Variants in TRAPPC3 observed in about 807,000 individuals in gnomAD.
TRAPPC3 encodes the protein trafficking protein particle complex 3.
A neutral mutation model predicts 18.2 loss-of-function variants in TRAPPC3; 5 were observed. That is an observed-to-expected ratio of 0.28 (90% CI 0.14 to 0.58). TRAPPC3 has a LOEUF of 0.58. Among genes scored for constraint, TRAPPC3 ranks in the 20% least tolerant of loss-of-function variants. The probability of loss-of-function intolerance (pLI) is 0.91; values close to 1 mark genes in which losing one functional copy is unlikely to be tolerated. For synonymous variants in TRAPPC3, 65 were observed against 84.2 expected, an observed-to-expected ratio of 0.77 and a Z score of 1.25; for missense variants, 176 against 225.9, an observed-to-expected ratio of 0.78 and a Z score of 1.41.
At chr1:36,147,026 C>G (rs1041364767) in intron 1 of TRAPPC3, among the ~76,000 whole-genome samples, 1 of 152,288 alleles carries the variant, frequency 6.6e-6, no homozygotes, top group Admixed American at 6.5e-5. Context: ...ACTTTCATTT[C>G]AATAAATCTG....
At chr1:36,144,546 CAGG>C in intron 1 of TRAPPC3, among the ~76,000 whole-genome samples, 1 of 152,180 alleles carries the variant, frequency 6.6e-6, no homozygotes, top group African/African-American at 2.4e-5. Context: ...CCCAGCTACT[CAGG>C]AGGCTAAGGT....
At chr1:36,155,025 C>T (rs984611804) in intron 1 of TRAPPC3, among the ~76,000 whole-genome samples, 7 of 152,152 alleles carry the variant, frequency 4.6e-5, no homozygotes, top group Non-Finnish European at 5.9e-5. Flanking sequence ...TCCAAATGGC[C>T]GCTTTCTGGA....
At chr1:36,144,220 G>A (rs1052582233) in intron 1 of TRAPPC3, among the ~76,000 whole-genome samples, 10 of 139,916 alleles carry the variant, frequency 7.1e-5, no homozygotes, top group South Asian at 2.3e-4. Flanking sequence ...CCCAGGAGGC[G>A]GAGGTTGCGG....
chr1:36,149,606 C>A (rs1360281717), upstream of TRAPPC3: 2 of 607,332 alleles, frequency 3.3e-6, no homozygotes, highest in Non-Finnish European at 2.9e-6. Flanking sequence ...TTTGGCAGCA[C>A]CGCCTCTTAA....
At chr1:36,150,746 CAG>C (rs1435784717), upstream of TRAPPC3, among the ~76,000 whole-genome samples, 6 of 152,328 alleles carry the variant, frequency 3.9e-5, no homozygotes, top group African/African-American at 1.4e-4. Context: ...TGTAATGCCA[CAG>C]GGGAGGGAGC....
intron 1 of TRAPPC3, among the ~76,000 whole-genome samples, chr1:36,147,829 C>A (rs540729666): frequency 9.2e-5 from 14 of 152,166 alleles, no homozygotes; most frequent in South Asian, 4.2e-4. Context: ...CTGCCCCTCC[C>A]TAATTACCTT....
At chr1:36,151,943 T>G (rs2124180851), upstream of TRAPPC3, among the ~76,000 whole-genome samples, 1 of 152,270 alleles carries the variant, frequency 6.6e-6, no homozygotes, top group East Asian at 1.9e-4. Context: ...GAGTGGGCCC[T>G]GGGAGCTGAG....
intron 1 of TRAPPC3, 41 bp downstream of exon 1, chr1:36,149,296 C>T (rs765564856): frequency 5.0e-6 from 8 of 1,613,010 alleles, no homozygotes; most frequent in Non-Finnish European, 6.8e-6. Flanking sequence ...CTGTACGCCT[C>T]AATTTCGCCC....
upstream of TRAPPC3, chr1:36,149,660 T>A: frequency 1.8e-6 from 1 of 548,968 alleles, no homozygotes; most frequent in South Asian, 2.1e-5. Context: ...CGCGCCTGCC[T>A]GGTAGAGCCC....
At chr1:36,144,861 G>C (rs1644168835) in intron 1 of TRAPPC3, among the ~76,000 whole-genome samples, 1 of 152,180 alleles carries the variant, frequency 6.6e-6, no homozygotes, top group Non-Finnish European at 1.5e-5. Flanking sequence ...ATTTATAGCA[G>C]CTATGCTAAC....
intron 1 of TRAPPC3, among the ~76,000 whole-genome samples, chr1:36,155,203 A>C (rs563306763): frequency 6.6e-6 from 1 of 152,174 alleles, no homozygotes; most frequent in East Asian, 1.9e-4. Flanking sequence ...CTCCCCCGCA[A>C]CCCAAGTCCC....
At chr1:36,145,126 A>G (rs1046541149) in intron 1 of TRAPPC3, among the ~76,000 whole-genome samples, 1 of 151,592 alleles carries the variant, frequency 6.6e-6, no homozygotes, top group Admixed American at 6.6e-5. Context: ...GGTTCCTGCC[A>G]TTCTCCTGCC....
chr1:36,149,250 C>G, intron 1 of TRAPPC3, 87 bp downstream of exon 1: 2 of 1,582,622 alleles, frequency 1.3e-6, no homozygotes, highest in South Asian at 1.1e-5. Flanking sequence ...AGGCCCTTTT[C>G]CAAACGCACC....
At chr1:36,145,219 C>A (rs375230677) in intron 1 of TRAPPC3, among the ~76,000 whole-genome samples, 2 of 151,040 alleles carry the variant, frequency 1.3e-5, no homozygotes, top group African/African-American at 4.9e-5. Context: ...TTAGTAGAGA[C>A]GGGGTTTCAC....
At chr1:36,151,697 C>T (rs1231899162), upstream of TRAPPC3, among the ~76,000 whole-genome samples, 1 of 152,300 alleles carries the variant, frequency 6.6e-6, no homozygotes, top group East Asian at 1.9e-4. Flanking sequence ...AATCCCAACC[C>T]TCCTTACCAC....
chr1:36,139,601 G>A, intron 3 of TRAPPC3, 119 bp downstream of exon 3: 1 of 1,370,466 alleles, frequency 7.3e-7, no homozygotes, highest in Non-Finnish European at 9.9e-7. Context: ...TTGACCCAAA[G>A]AGCTGCCTAG....
At position 36,149,471 on chromosome 1, in the gene TRAPPC3, A is replaced by C; in HGVS notation, c.-93T>G. The C allele has an allele frequency of 3.3e-6, 5 of 1,511,912 alleles. No homozygotes were observed. Among genetic ancestry groups the C allele is most frequent in the Non-Finnish European group, 3.6e-6 (4 of 1,110,476 alleles). The allele number at this position is 1,511,912 out of a possible 1,614,324, so 93.7% of individuals were successfully genotyped here. A position where few individuals can be genotyped will look rare whatever the true frequency, so the allele number is the denominator to read the frequency against. On this transcript the variant is annotated 5_prime_UTR_variant, in exon 1 of 5. Transcript: ENST00000373166. ...CCTAAGCCGCTGCCCCTCAGCCCACAAGACCGACCGGCACTGACTCACTGC... is the reference window on the plus strand; with the variant it reads ...CCTAAGCCGCTGCCCCTCAGCCCACCAGACCGACCGGCACTGACTCACTGC...
intron 1 of TRAPPC3, among the ~76,000 whole-genome samples, chr1:36,155,393 A>AC (rs1349639870): frequency 6.7e-6 from 1 of 149,362 alleles, no homozygotes; most frequent in African/African-American, 2.5e-5. Flanking sequence ...GGGGGTCACC[A>AC]CCCCCTCATC....
At chr1:36,148,124 T>A (rs1285409898) in intron 1 of TRAPPC3, among the ~76,000 whole-genome samples, 1 of 152,172 alleles carries the variant, frequency 6.6e-6, no homozygotes, top group Non-Finnish European at 1.5e-5. Context: ...CCAACCAAGG[T>A]CCATGTGTTT....
Sources: allele counts gnomAD v4.1 joint callset (sites outside exome capture counted in the v4.1 genomes callset), GRCh38; gene constraint gnomAD v4.1.1; transcripts MANE v1.5; gene names NCBI Gene and HGNC (gene_info 2026-07-23, HGNC 2026-07-21).